Variants in MED13 observed in about 807,000 individuals in gnomAD.
MED13 encodes mediator of RNA polymerase II transcription subunit 13.
In MED13, 23 loss-of-function variants were observed where a neutral mutation model predicts 225.2. The observed-to-expected ratio is 0.10, with a 90% CI of 0.07 to 0.14. The LOEUF (loss-of-function observed/expected upper bound fraction) is 0.14. MED13 is among the 10% of genes least tolerant of loss of function. The pLI is 1.00. For missense variants in MED13, 2,197 were observed against 2,594.5 expected, an observed-to-expected ratio of 0.85 and a Z score of 3.33; for synonymous variants, 942 against 889.2, an observed-to-expected ratio of 1.06 and a Z score of -1.06.
chr17:61,946,965 C>T lies in MED13; in HGVS notation c.6344G>A (p.Ser2115Asn). Residue 2115 changes from serine (S) to asparagine (N), a missense_variant, in exon 29 of 30, where the codon AGT becomes AAT. Around this residue, in one of 12 missense-constraint regions of MED13, gnomAD observed 216 missense variants for 388.9 expected, o/e 0.56. Transcript: ENST00000397786. ...PSVQSDELLH[S>N]KHSHPLDSNQ... ...TGAGTCAAGTGGGTGGGAGTGTTTA[C>T]TGTGAAGCAGCTCGTCAGATTGCAC... The T allele has an allele frequency of 1.9e-6, 3 of 1,614,048 alleles. No homozygotes were observed. Among genetic ancestry groups the T allele is most frequent in the Non-Finnish European group, 2.5e-6 (3 of 1,179,992 alleles).
chr17:62,048,584 A>G (rs1402198352), intron 3 of MED13, among the ~76,000 whole-genome samples: 2 of 152,074 alleles, frequency 1.3e-5, no homozygotes, highest in Admixed American at 1.3e-4. Flanking sequence ...TGATGTATTT[A>G]AAAGATTAAG....
chr17:61,965,331 C>T lies in MED13; in HGVS notation c.4519G>A (p.Ala1507Thr). The T allele has an allele frequency of 1.2e-6, 2 of 1,614,178 alleles. No individual in the cohort carries two copies. Among genetic ancestry groups the T allele is most frequent in the Middle Eastern group, 1.6e-4 (1 of 6,062 alleles). Reference protein sequence around the residue: ...GNANTPSATLASAASSTMTVT... With the variant: ...GNANTPSATLTSAASSTMTVT... ...GTCATAGTGCTGCTCGCTGCAGATG[C>T]TAAGGTGGCAGATGGAGTATTAGCA... Residue 1507 changes from alanine to threonine, a missense_variant, in exon 20 of 30, where the codon GCA (alanine) becomes ACA (threonine). This residue lies in a region of MED13 where 457 missense variants were observed against 442.2 expected (regional missense o/e 1.03). Coordinates refer to ENST00000397786, the MANE Select transcript of MED13 (RefSeq NM_005121.3).
chr17:61,946,666 C>A, intron 29 of MED13, 66 bp from the exon 30 acceptor site: 1 of 1,572,612 alleles, frequency 6.4e-7, no homozygotes, highest in East Asian at 2.2e-5. Flanking sequence ...AAGCAGTTTT[C>A]AATTATGGCA....
At chr17:61,986,194 T>G (rs1327281553) in intron 12 of MED13, among the ~76,000 whole-genome samples, 1 of 152,158 alleles carries the variant, frequency 6.6e-6, no homozygotes, top group African/African-American at 2.4e-5. Flanking sequence ...TAAAATGTAC[T>G]ACATTATGGG....
intron 3 of MED13, among the ~76,000 whole-genome samples, chr17:62,039,283 C>T (rs1177864475): frequency 6.6e-6 from 1 of 152,072 alleles, no homozygotes; most frequent in East Asian, 1.9e-4. Context: ...TGGAGGGAAA[C>T]AATATTCTAA....
At chr17:61,998,840 C>A (rs1294362633) in intron 9 of MED13, among the ~76,000 whole-genome samples, 1 of 151,188 alleles carries the variant, frequency 6.6e-6, no homozygotes, top group Non-Finnish European at 1.5e-5. Context: ...CTCAAGTGAT[C>A]CTCCCATGTT....
chr17:62,043,156 C>CAAAAAAAAAAAA (rs764530614), intron 3 of MED13, among the ~76,000 whole-genome samples: 61 of 31,666 alleles, frequency 1.9e-3, no homozygotes, highest in Admixed American at 2.9e-3. Context: ...ACCCTGTCTC[C>CAAAAAAAAAAAA]AAAAAAAAAA....
At chr17:61,947,054 C>G (rs369583250) in intron 28 of MED13, 37 bp from the exon 29 acceptor site, 1 of 1,434,348 alleles carries the variant, frequency 7.0e-7, no homozygotes, top group Non-Finnish European at 9.8e-7. Flanking sequence ...GTCAGCCAAA[C>G]AGAAAATAAT....
intron 9 of MED13, among the ~76,000 whole-genome samples, chr17:62,002,779 A>C (rs1173628006): frequency 6.6e-6 from 1 of 152,238 alleles, no homozygotes; most frequent in African/African-American, 2.4e-5. Flanking sequence ...GAGTGACTGA[A>C]ATAGTATGGG....
intron 9 of MED13, chr17:62,004,897 C>CTTTTTTTT (rs551492644): frequency 7.8e-6 from 1 of 128,550 alleles, no homozygotes; most frequent in South Asian, 2.4e-4. Context: ...ACATCATTTA[C>CTTTTTTTT]TTTTTTTTTT....
intron 26 of MED13, among the ~76,000 whole-genome samples, chr17:61,954,498 T>G (rs1410148896): frequency 1.3e-5 from 2 of 152,162 alleles, no homozygotes; most frequent in Non-Finnish European, 2.9e-5. Context: ...TAAAGATGGC[T>G]GGGCATGGTG....
chr17:62,061,578 T>C (rs536003806), intron 2 of MED13, among the ~76,000 whole-genome samples: 4 of 152,340 alleles, frequency 2.6e-5, no homozygotes, highest in Non-Finnish European at 4.4e-5. Context: ...GTTTATAGTT[T>C]TTCAACAATG....
At chr17:62,042,254 A>T (rs933502105) in intron 3 of MED13, among the ~76,000 whole-genome samples, 1 of 152,154 alleles carries the variant, frequency 6.6e-6, no homozygotes, top group Non-Finnish European at 1.5e-5. Context: ...TATTACTTAC[A>T]TTATACAGTA....
Position 61,946,340 on chromosome 17 carries a change from T to A in MED13, c.*128A>T. On this transcript the variant is annotated 3_prime_UTR_variant, in exon 30 of 30. Transcript: ENST00000397786. ...CCCTCCCCCCAAGTCAAAACAATAT[T>A]TGTTGAAGTAATAAGAATTAGACCC... The A allele has an allele frequency of 9.0e-7, 1 of 1,114,846 alleles. No homozygotes were observed. The highest frequency in any genetic ancestry group is 1.2e-6 in the Non-Finnish European group (1 of 800,984). The allele number at this position is 1,114,846 out of a possible 1,614,324, so 69.1% of individuals were successfully genotyped here.
At position 61,982,780 on chromosome 17, in the gene MED13, G is replaced by A; in HGVS notation, c.3223C>T (p.Leu1075Phe). ...TTCATAACTGATTCTGAAAGGATGA[G>A]GTTTACATAAAGACTGTGTGCTTCA... ...IPEAHSLYVN[L>F]ILSESVMNLF... The change falls in exon 16 of 30, where the codon CTC becomes TTC. Residue 1075 changes from leucine (L) to phenylalanine (F), a missense_variant. This residue lies in a region of MED13 where 99 missense variants were observed against 158.5 expected (regional missense o/e 0.62). Transcript: ENST00000397786. 6.2e-7 allele frequency: 1 copy of A among 1,614,186 alleles called. No homozygotes were observed. Among genetic ancestry groups the A allele is most frequent in the South Asian group, 1.1e-5 (1 of 91,078 alleles).
chr17:62,031,599 A>G lies in MED13; in HGVS notation c.854T>C (p.Val285Ala). ...AGGAGTAGGAATGTCTGACTGAGGGACTAGAACAAAGCATGCTGGGTAGAT... is the reference window on the plus strand; with the variant it reads ...AGGAGTAGGAATGTCTGACTGAGGGGCTAGAACAAAGCATGCTGGGTAGAT... ...RMIYPACFVL[V>A]PQSDIPTPSP... Residue 285 changes from valine to alanine, a missense_variant, in exon 6 of 30, where the codon GTC becomes GCC. Val to Ala is a moderately conservative substitution (Grantham distance 64). Around this residue, in one of 12 missense-constraint regions of MED13, gnomAD observed 884 missense variants for 918.5 expected, o/e 0.96. Transcript: ENST00000397786. The G allele has an allele frequency of 6.2e-7, 1 of 1,612,974 alleles. No individual in the cohort carries two copies. Among genetic ancestry groups the G allele is most frequent in the Non-Finnish European group, 8.5e-7 (1 of 1,179,532 alleles).
intron 3 of MED13, among the ~76,000 whole-genome samples, chr17:62,042,327 GCCAA>G (rs1178461465): frequency 1.3e-5 from 2 of 152,030 alleles, no homozygotes; most frequent in Non-Finnish European, 2.9e-5. Flanking sequence ...ACTTTGGGAG[GCCAA>G]GGCGGGTGGA....
chr17:61,953,323 C>G (rs975539254), intron 26 of MED13, among the ~76,000 whole-genome samples: 3 of 152,176 alleles, frequency 2.0e-5, no homozygotes, highest in Admixed American at 1.3e-4. Context: ...TAATGGCCCC[C>G]CAAAGATGTC....
rs1238965423 is a variant in MED13, at chr17:61,956,435, G to C, written c.5527C>G (p.Leu1843Val). Residue 1843 changes from leucine to valine, a missense_variant, in exon 24 of 30, where the codon CTT becomes GTT. Leu to Val is a conservative substitution (Grantham distance 32). Coordinates refer to ENST00000397786, the MANE Select transcript of MED13 (RefSeq NM_005121.3). Reference protein sequence around the residue: ...SSARKFGLQKLWEWCLGLVQM... With the variant: ...SSARKFGLQKVWEWCLGLVQM... ...ACAAGTCCTAAGCACCACTCCCAAA[G>C]TTTCTGTAGACCAAATTTTCTAGCA... 11 of 1,612,710 alleles carry C rather than the reference G, an allele frequency of 6.8e-6. No homozygotes were observed. The highest frequency in any genetic ancestry group is 1.3e-5 in the African/African-American group (1 of 74,830).
Sources: gnomAD v4.1 joint callset for allele counts (sites outside exome capture counted in the v4.1 genomes callset) on GRCh38, gnomAD v4.1.1 for gene constraint, gnomAD v4.1.1 regional missense constraint, MANE v1.5 for transcripts, NCBI Gene and HGNC (gene_info 2026-07-23, HGNC 2026-07-21) for gene names.